SLC10A3: variants seen among roughly 807,000 people sequenced by gnomAD.
The protein encoded by SLC10A3 is solute carrier family 10 member 3.
A neutral mutation model predicts 1.9 loss-of-function variants in SLC10A3; 1 was observed. The ratio of observed to expected loss-of-function variants is 0.52; its 90% CI spans 0.19 to 2.48. The LOEUF is 2.48. SLC10A3 is among the 30% of genes most tolerant of loss of function. The pLI is 0.25. For missense variants in SLC10A3, 317 were observed against 398.5 expected (o/e 0.80, Z 1.74); for synonymous variants, 202 against 189.3 (o/e 1.07, Z -0.55).
In SLC10A3 at chrX:154,488,281, C is replaced by T. The variant is rs782541928; in HGVS notation, c.660G>A (p.Met220Ile). The stretch of plus-strand genomic sequence containing the variant: ...CCAGCAGCATGGGCTGGGGGCTCTG[C>T]ATGAGCCCCTTCAGAACCTCGAGTT... ...KVELEVLKGL[M>I]QSPQPMLLGL... The change falls in exon 2 of 2, where the codon ATG (methionine) becomes ATA (isoleucine). Residue 220 changes from methionine (M) to isoleucine (I), a missense_variant. Physicochemically the swap from Met to Ile is conservative, Grantham distance 10. Coordinates refer to ENST00000651600, the MANE Select transcript of SLC10A3 (RefSeq NM_019848.5). 2.0e-5 allele frequency: 24 copies of T among 1,208,571 alleles called. No individual in the cohort carries two copies. The highest frequency in any genetic ancestry group is 2.6e-5 in the Non-Finnish European group (23 of 893,855).
rs1557214104 is a variant in SLC10A3 at position 154,489,082 on chromosome X, C to A, written c.-142G>T. 6.9e-6 allele frequency: 8 copies of A among 1,163,920 alleles called. No homozygotes were observed. Among genetic ancestry groups the A allele is most frequent in the Non-Finnish European group, 9.2e-6 (8 of 870,872 alleles). ...TGTCTTCCTTGATGGCAGGGCTGTC[C>A]CTGAGGAGGTAAGGGACACAGAGAG... is the stretch of plus-strand genomic sequence containing the variant. On this transcript the variant is annotated splice_region_variant and 5_prime_UTR_variant, in exon 2 of 2. Coordinates refer to ENST00000651600, the MANE Select transcript of SLC10A3 (RefSeq NM_019848.5).
At chrX:154,489,284 G>A (rs2069354058) in intron 1 of SLC10A3, 1 of 753,114 alleles carries the variant, frequency 1.3e-6, no homozygotes, top group Non-Finnish European at 1.6e-6. Context: ...GCCTAGTGAT[G>A]GCCCTTGAGT....
chrX:154,487,471 G>T lies in SLC10A3; in HGVS notation c.*36C>A, dbSNP rs782503551. The T allele has an allele frequency of 8.3e-7, 1 of 1,206,965 alleles. No individual in the cohort carries two copies. Among genetic ancestry groups the T allele is most frequent in the Non-Finnish European group, 1.1e-6 (1 of 893,065 alleles). On this transcript the variant is annotated 3_prime_UTR_variant, in exon 2 of 2. Transcript: ENST00000651600. Reference sequence around the variant, plus strand: ...GTGCATGAGAACTTTGGTGGAGTGTGGGGGCTGGGGCTGATGAAAGCTTGA... The same window carrying T: ...GTGCATGAGAACTTTGGTGGAGTGTTGGGGCTGGGGCTGATGAAAGCTTGA...
intron 1 of SLC10A3, chrX:154,489,726 A>G: frequency 1.3e-6 from 1 of 753,144 alleles, no homozygotes. Flanking sequence ...CACCCCTGTC[A>G]GTTGCCTCAT....
chrX:154,489,767 C>T (rs1239620825), intron 1 of SLC10A3: 2 of 754,144 alleles, frequency 2.7e-6, no homozygotes, highest in Non-Finnish European at 3.1e-6. Flanking sequence ...TAGAAGAGGA[C>T]TGCCTCTATA....
rs781916209 is a variant in SLC10A3, at chrX:154,488,400, T to C, written c.541A>G (p.Ser181Gly). 32 of 1,209,847 alleles carry C rather than the reference T, an allele frequency of 2.6e-5. No individual in the cohort carries two copies. The highest frequency in any genetic ancestry group is 2.6e-5 in the Non-Finnish European group (23 of 895,067). ...SPAEDTPATL[S>G]ADLAHFSENP... ...TCCGAGAAGTGGGCCAGGTCGGCGC[T>C]GAGGGTGGCAGGCGTGTCTTCAGCA... Residue 181 changes from serine (S) to glycine (G), a missense_variant, in exon 2 of 2, where the codon AGC (serine) becomes GGC (glycine). By Grantham distance (56) the Ser-to-Gly change is moderately conservative. Transcript: ENST00000651600.
chrX:154,487,986 G>A lies in SLC10A3; in HGVS notation c.955C>T (p.Pro319Ser). 1 of 1,211,518 alleles carries A rather than the reference G, an allele frequency of 8.3e-7. No individual in the cohort carries two copies. Among genetic ancestry groups the A allele is most frequent in the Non-Finnish European group, 1.1e-6 (1 of 895,487 alleles). The change falls in exon 2 of 2, where the codon CCC becomes TCC. Residue 319 changes from proline to serine, a missense_variant. Physicochemically the swap from Pro to Ser is moderately conservative, Grantham distance 74. Transcript: ENST00000651600. The part of the protein sequence containing the change: ...LLSIHETLHV[P>S]ISKILGTLLF... Reference sequence around the variant, plus strand: ...AGGGTCCCCAGGATCTTGGAGATGGGCACGTGGAGCGTCTCATGGATGCTG... The same window carrying A: ...AGGGTCCCCAGGATCTTGGAGATGGACACGTGGAGCGTCTCATGGATGCTG...
Position 154,488,633 on chromosome X carries a change from G to A in SLC10A3, c.308C>T (p.Pro103Leu). 1 of 1,211,688 alleles carries A rather than the reference G, an allele frequency of 8.3e-7. No individual in the cohort carries two copies. Among genetic ancestry groups the A allele is most frequent in the African/African-American group, 1.7e-5 (1 of 57,916 alleles). Residue 103 changes from proline (P) to leucine (L), a missense_variant, in exon 2 of 2, where the codon CCC becomes CTC. Transcript: ENST00000651600. Reference sequence around the variant, plus strand: ...GTCCAGGGAGGTGACCCTGAGCATGGGGCCAGGCGCCGTCCTGTTGGCCTG... The same window carrying A: ...GTCCAGGGAGGTGACCCTGAGCATGAGGCCAGGCGCCGTCCTGTTGGCCTG... The part of the protein sequence containing the change: ...PGQANRTAPG[P>L]MLRVTSLDTE...
Position 154,488,731 on chromosome X carries a change from A to G in SLC10A3, c.210T>C (p.Asp70=). 8.3e-7 allele frequency: 1 copy of G among 1,211,792 alleles called. No homozygotes were observed. Among genetic ancestry groups the G allele is most frequent in the Non-Finnish European group, 1.1e-6 (1 of 895,502 alleles). Residue 70 remains aspartate, a synonymous_variant, in exon 2 of 2, where the codon GAT becomes GAC. Transcript: ENST00000651600. ...PTGGRYLSIG[D]GSVMEFEFPE... ...GAAACTCAAACTCCATCACAGAGCC[A>G]TCTCCAATGCTCAAGTAGCGGCCCC...
chrX:154,487,589 A>G lies in SLC10A3; in HGVS notation c.1352T>C (p.Ile451Thr). 11 of 1,210,679 alleles carry G rather than the reference A, an allele frequency of 9.1e-6. No individual in the cohort carries two copies. The highest frequency in any genetic ancestry group is 1.7e-5 in the African/African-American group (1 of 57,773). The change falls in exon 2 of 2, where the codon ATT (isoleucine) becomes ACT (threonine). Residue 451 changes from isoleucine to threonine, a missense_variant. Physicochemically the swap from Ile to Thr is moderately conservative, Grantham distance 89 (BLOSUM62 -1). Coordinates refer to ENST00000651600, the MANE Select transcript of SLC10A3 (RefSeq NM_019848.5). Reference protein sequence around the residue: ...QADYASQAPFIVALSGTSEML... With the variant: ...QADYASQAPFTVALSGTSEML... ...CTCGGAGGTGCCGCTCAGCGCCACA[A>G]TGAAGGGGGCCTGGGAGGCATAGTC...
rs1196495210 is a variant in SLC10A3, at chrX:154,487,855, G to A, written c.1086C>T (p.Leu362=). 2 of 1,209,859 alleles carry A rather than the reference G, an allele frequency of 1.7e-6. No individual in the cohort carries two copies. The highest frequency in any genetic ancestry group is 2.2e-6 in the Non-Finnish European group (2 of 895,333). ...AGGCCAGGAAGAGGCCGCCCAGGAGGAGCACAAAGCTGAAGGGCTTGACGA... is the reference window on the plus strand; with the variant it reads ...AGGCCAGGAAGAGGCCGCCCAGGAGAAGCACAAAGCTGAAGGGCTTGACGA... ...LQVVKPFSFV[L]LLGGLFLAYR... The change falls in exon 2 of 2, where the codon CTC becomes CTT. Residue 362 remains leucine (L), a synonymous_variant. Transcript: ENST00000651600.
At position 154,488,762 on chromosome X, in the gene SLC10A3, G is replaced by A. The variant is rs782668844; in HGVS notation, c.179C>T (p.Pro60Leu). Reference protein sequence around the residue: ...LSTAGGHTVPPTGGRYLSIGD... With the variant: ...LSTAGGHTVPLTGGRYLSIGD... ...AATGCTCAAGTAGCGGCCCCCAGTC[G>A]GTGGCACGGTGTGACCCCCAGCAGT... Residue 60 changes from proline (P) to leucine (L), a missense_variant, in exon 2 of 2, where the codon CCG becomes CTG. Physicochemically the swap from Pro to Leu is moderately conservative, Grantham distance 98. Transcript: ENST00000651600. The A allele has an allele frequency of 4.1e-6, 5 of 1,211,343 alleles. No homozygotes were observed. The highest frequency in any genetic ancestry group is 4.3e-5 in the Admixed American group (2 of 46,070).
chrX:154,490,462 C>G lies in SLC10A3; in HGVS notation c.-298G>C. ...CCCCTTACGCCATTCCTGGGCCCCGCGGCCCCGCCAGGCCTCGCAAACGCG... is the reference window on the plus strand; with the variant it reads ...CCCCTTACGCCATTCCTGGGCCCCGGGGCCCCGCCAGGCCTCGCAAACGCG... On this transcript the variant is annotated 5_prime_UTR_variant, in exon 1 of 2. Coordinates refer to ENST00000651600, the MANE Select transcript of SLC10A3 (RefSeq NM_019848.5). 1.7e-6 allele frequency: 1 copy of G among 591,493 alleles called. No individual in the cohort carries two copies. Among genetic ancestry groups the G allele is most frequent in the Non-Finnish European group, 2.0e-6 (1 of 490,667 alleles). The allele number at this position is 591,493 out of a possible 1,213,427, so 48.7% of individuals were successfully genotyped here.
Position 154,487,921 on chromosome X carries a change from G to T in SLC10A3, c.1020C>A (p.Ile340=). 1 of 1,211,670 alleles carries T rather than the reference G, an allele frequency of 8.3e-7. No individual in the cohort carries two copies. Among genetic ancestry groups the T allele is most frequent in the Non-Finnish European group, 1.1e-6 (1 of 895,581 alleles). ...IAIPIAVGVL[I]KSKLPKFSQL... Reference sequence around the variant, plus strand: ...GGGAGAACTTGGGGAGCTTGGACTTGATCAGCACGCCCACGGCTATGGGGA... The same window carrying T: ...GGGAGAACTTGGGGAGCTTGGACTTTATCAGCACGCCCACGGCTATGGGGA... Residue 340 remains isoleucine (I), a synonymous_variant, in exon 2 of 2, where the codon ATC becomes ATA. Transcript: ENST00000651600.
rs782207295 is a variant in SLC10A3 at position 154,487,978 on chromosome X, G to A, written c.963C>T (p.Ser321=). The change falls in exon 2 of 2, where the codon TCC becomes TCT. Residue 321 remains serine (S), a synonymous_variant. Coordinates refer to ENST00000651600, the MANE Select transcript of SLC10A3 (RefSeq NM_019848.5). The part of the protein sequence containing the change: ...SIHETLHVPI[S]KILGTLLFIA... ...TGAACAGCAGGGTCCCCAGGATCTTGGAGATGGGCACGTGGAGCGTCTCAT... is the reference window on the plus strand; with the variant it reads ...TGAACAGCAGGGTCCCCAGGATCTTAGAGATGGGCACGTGGAGCGTCTCAT... 23 of 1,210,116 alleles carry A rather than the reference G, an allele frequency of 1.9e-5. No homozygotes were observed. In the African/African-American group the frequency reaches 2.6e-4, roughly 14 times the overall value.
Position 154,488,884 on chromosome X carries a change from C to T in SLC10A3, c.57G>A (p.Glu19=), listed in dbSNP as rs1557214029. 1 of 1,210,507 alleles carries T rather than the reference C, an allele frequency of 8.3e-7. No homozygotes were observed. The highest frequency in any genetic ancestry group is 1.1e-6 in the Non-Finnish European group (1 of 895,284). Residue 19 remains glutamate, a synonymous_variant, in exon 2 of 2, where the codon GAG becomes GAA. Transcript: ENST00000651600. ...SSQQWPGLGG[E]GGGTGPLSML... ...TGCTTAAGGGACCTGTGCCACCACC[C>T]TCGCCCCCCAGACCAGGCCACTGCT...
In SLC10A3 at chrX:154,489,098, A is replaced by G; in HGVS notation, c.-142-16T>C. On this transcript the variant is annotated splice_polypyrimidine_tract_variant and intron_variant, in intron 1 of 1. Coordinates refer to ENST00000651600, the MANE Select transcript of SLC10A3 (RefSeq NM_019848.5). ...AGGGCTGTCCCTGAGGAGGTAAGGG[A>G]CACAGAGAGGCAGCTGGTGAGGGTC... The G allele has an allele frequency of 8.6e-7, 1 of 1,162,713 alleles. No individual in the cohort carries two copies. Among genetic ancestry groups the G allele is most frequent in the East Asian group, 3.3e-5 (1 of 30,691 alleles).
rs1557214037 is a variant in SLC10A3, at chrX:154,488,889, C to A, written c.52G>T (p.Gly18Cys). 1 of 1,210,533 alleles carries A rather than the reference C, an allele frequency of 8.3e-7. No homozygotes were observed. Among genetic ancestry groups the A allele is most frequent in the South Asian group, 1.8e-5 (1 of 56,938 alleles). The change falls in exon 2 of 2, where the codon GGC becomes TGC. Residue 18 changes from glycine (G) to cysteine (C), a missense_variant. Gly to Cys is a radical substitution (Grantham distance 159, BLOSUM62 -3). Transcript: ENST00000651600. The part of the protein sequence containing the change: ...GSSQQWPGLG[G>C]EGGGTGPLSM... ...AAGGGACCTGTGCCACCACCCTCGCCCCCCAGACCAGGCCACTGCTGAGAG... is the reference window on the plus strand; with the variant it reads ...AAGGGACCTGTGCCACCACCCTCGCACCCCAGACCAGGCCACTGCTGAGAG...
Position 154,489,966 on chromosome X carries a change from T to TG in SLC10A3, c.-143+340dup, listed in dbSNP as rs1557214285. 2.8e-6 allele frequency: 3 copies of TG among 1,078,987 alleles called. No individual in the cohort carries two copies. The South Asian group carries it at 7.4e-5, about 27-fold the overall frequency. The allele number at this position is 1,078,987 out of a possible 1,213,427, so 88.9% of individuals were successfully genotyped here. A position where few individuals can be genotyped will look rare whatever the true frequency, so the allele number is the denominator to read the frequency against. Reference sequence around the variant, plus strand: ...CCCTGGAGGCCTTGGTCCAGCCATGTGTCTTACCTCTGAAGAGGGAGGCAG... The same window carrying TG: ...CCCTGGAGGCCTTGGTCCAGCCATGTGGTCTTACCTCTGAAGAGGGAGGCAG... On this transcript the variant is annotated intron_variant, in intron 1 of 1. Transcript: ENST00000651600.
Sources: gnomAD v4.1 joint callset for allele counts on GRCh38, gnomAD v4.1.1 for gene constraint, MANE v1.5 for transcripts, NCBI Gene and HGNC (gene_info 2026-07-23, HGNC 2026-07-21) for gene names.